CFAP69: variants seen among roughly 807,000 people sequenced by gnomAD.
The protein encoded by CFAP69 is cilia and flagella associated protein 69.
CFAP69 carries 92 observed loss-of-function variants against 123.0 expected under a neutral mutation model. The ratio of observed to expected loss-of-function variants is 0.75; its 90% CI spans 0.63 to 0.89. The LOEUF (loss-of-function observed/expected upper bound fraction) is 0.89, where lower values mean the gene tolerates loss of function less well. CFAP69 is among the 40% of genes least tolerant of loss of function. The probability of loss-of-function intolerance (pLI) is 0.00; values close to 1 mark genes in which losing one functional copy is unlikely to be tolerated. For synonymous variants in CFAP69, 380 were observed against 364.3 expected (o/e 1.04, Z -0.49); for missense variants, 1,067 against 1,096.9 (o/e 0.97, Z 0.39).
At chr7:90,261,865 A>G (rs1798379129) in intron 3 of CFAP69, 82 bp from the exon 4 acceptor site, 2 of 695,046 alleles carry the variant, frequency 2.9e-6, no homozygotes, top group African/African-American at 1.9e-5. Context: ...AATTCTATAG[A>G]CTTTCTTCAC....
chr7:90,258,404 T>C (rs1296467608), intron 3 of CFAP69, among the ~76,000 whole-genome samples: 1 of 152,164 alleles, frequency 6.6e-6, no homozygotes, highest in Non-Finnish European at 1.5e-5. Context: ...AGGAATCATT[T>C]CCTTGCCTTC....
chr7:90,309,684 C>T lies in CFAP69; in HGVS notation c.2655+317C>T, dbSNP rs202009428. On this transcript the variant is annotated intron_variant, in intron 22 of 22. Transcript: ENST00000389297. ...TCTCCAATGTATATCCACTTTTGCC[C>T]GGTTCTGGTTTAGAGTAGGCCCAGC... 1.6e-4 allele frequency among the ~76,000 whole-genome samples: 24 copies of T among 152,188 alleles called. No individual in the cohort carries two copies. The East Asian group carries it at 3.9e-3, about 24-fold the overall frequency.
intron 11 of CFAP69, among the ~76,000 whole-genome samples, chr7:90,279,328 C>T (rs1037198210): frequency 1.3e-5 from 2 of 151,928 alleles, no homozygotes; most frequent in Admixed American, 6.6e-5. Context: ...TTTTATTGTA[C>T]GTTAAAGTAA....
chr7:90,281,402 A>G (rs2117060274), intron 12 of CFAP69, among the ~76,000 whole-genome samples: 1 of 152,294 alleles, frequency 6.6e-6, no homozygotes, highest in African/African-American at 2.4e-5. Context: ...CTATTTATCA[A>G]GACCTACGAT....
rs1472214363 is a variant in CFAP69 at position 90,310,377 on chromosome 7, A to G, written c.*139A>G. The G allele has an allele frequency of 2.3e-6, 1 of 432,352 alleles. No individual in the cohort carries two copies. The highest frequency in any genetic ancestry group is 2.0e-5 in the African/African-American group (1 of 48,964). 26.8% of individuals were successfully genotyped at this position (432,352 alleles called of 1,614,324 possible). On this transcript the variant is annotated 3_prime_UTR_variant, in exon 23 of 23. Transcript: ENST00000389297. ...AGTAAAATACTATAAAAATAAAAGG[A>G]CATATAATTTATTTTTATGGAAAAC...
rs201312556 is a variant in CFAP69 at position 90,297,771 on chromosome 7, C to T, written c.1798C>T (p.Pro600Ser). Residue 600 changes from proline to serine, a missense_variant, in exon 16 of 23, where the codon CCC becomes TCC. Coordinates refer to ENST00000389297, the MANE Select transcript of CFAP69 (RefSeq NM_001039706.3). ...AAGGTGCTGTATTTTGGGATGTTAT[C>T]CCTCAGAGGATTATTTTCTTGAAAA... ...SIWCCILGCY[P>S]SEDYFLEKEG... The T allele has an allele frequency of 1.3e-6, 2 of 1,572,556 alleles. No homozygotes were observed. Among genetic ancestry groups the T allele is most frequent in the Non-Finnish European group, 1.7e-6 (2 of 1,166,910 alleles).
chr7:90,304,500 A>G, intron 18 of CFAP69: 2 of 1,274,134 alleles, frequency 1.6e-6, no homozygotes, highest in Non-Finnish European at 2.0e-6. Context: ...TGACTACAAC[A>G]CAGAAAGAAA....
At chr7:90,299,806 T>G (rs1195941246) in intron 16 of CFAP69, 61 bp from the exon 17 acceptor site, 7 of 1,305,876 alleles carry the variant, frequency 5.4e-6, no homozygotes, top group Admixed American at 2.8e-5. Context: ...CTTTTTTTTT[T>G]GAAGACAATA....
At chr7:90,268,250 G>T in intron 5 of CFAP69, 36 bp from the exon 6 acceptor site, 1 of 1,304,386 alleles carries the variant, frequency 7.7e-7, no homozygotes, top group Non-Finnish European at 1.1e-6. Flanking sequence ...GCTTATGACA[G>T]TGTTGTTAAA....
downstream of CFAP69, among the ~76,000 whole-genome samples, chr7:90,315,292 G>T (rs867642941): frequency 9.9e-5 from 15 of 152,188 alleles, no homozygotes; most frequent in Middle Eastern, 3.4e-3. Context: ...CTACCGTAAA[G>T]ACACACGCAC....
intron 13 of CFAP69, among the ~76,000 whole-genome samples, chr7:90,283,869 A>G (rs1213501920): frequency 1.3e-5 from 2 of 152,136 alleles, no homozygotes; most frequent in Admixed American, 6.6e-5. Context: ...TCACTAGTGG[A>G]GTGGAGTGGT....
downstream of CFAP69, among the ~76,000 whole-genome samples, chr7:90,311,574 A>G (rs1301286553): frequency 6.6e-6 from 1 of 152,096 alleles, no homozygotes; most frequent in Non-Finnish European, 1.5e-5. Context: ...TATCACCTCA[A>G]TGTACCCACA....
At chr7:90,310,012 C>G in intron 22 of CFAP69, 56 bp from the exon 23 acceptor site, 5 of 1,425,826 alleles carry the variant, frequency 3.5e-6, no homozygotes, top group Non-Finnish European at 4.8e-6. Context: ...ATGAGTTTTT[C>G]TCTTGTTGAA....
At chr7:90,313,920 T>C (rs971496015), downstream of CFAP69, among the ~76,000 whole-genome samples, 3 of 152,164 alleles carry the variant, frequency 2.0e-5, no homozygotes, top group African/African-American at 7.2e-5. Context: ...AAACACTACC[T>C]AAGCCAAGGT....
intron 1 of CFAP69, among the ~76,000 whole-genome samples, chr7:90,249,019 A>G: frequency 6.6e-6 from 1 of 152,250 alleles, no homozygotes; most frequent in African/African-American, 2.4e-5. Flanking sequence ...GACTCTAGTC[A>G]TAACAGCTTT....
At chr7:90,311,404 T>C (rs1357909888), downstream of CFAP69, among the ~76,000 whole-genome samples, 1 of 152,132 alleles carries the variant, frequency 6.6e-6, no homozygotes, top group African/African-American at 2.4e-5. Context: ...ATAACTAGCT[T>C]TCCAGGAGGG....
At chr7:90,276,134 A>G (rs1171648002) in intron 9 of CFAP69, 2 of 152,212 alleles carry the variant, frequency 1.3e-5, no homozygotes, top group Non-Finnish European at 2.9e-5. Flanking sequence ...CTTGGCAACA[A>G]TATTCACAAG....
At chr7:90,291,170 A>G (rs1303634632) in intron 15 of CFAP69, among the ~76,000 whole-genome samples, 1 of 152,152 alleles carries the variant, frequency 6.6e-6, no homozygotes, top group African/African-American at 2.4e-5. Context: ...AGGATAAAAG[A>G]ATGGCTACTC....
Position 90,307,056 on chromosome 7 carries a change from A to C in CFAP69, c.2421A>C (p.Gln807His). Residue 807 changes from glutamine to histidine, a missense_variant, in exon 20 of 23, where the codon CAA (glutamine) becomes CAC (histidine). Transcript: ENST00000389297. ...ASLQSDIIES[Q>H]ACQDMQNEQK... ...TGCAAAGTGATATAATTGAAAGCCAAGCATGCCAAGACATGCAAAATGAAC... is the reference window on the plus strand; with the variant it reads ...TGCAAAGTGATATAATTGAAAGCCACGCATGCCAAGACATGCAAAATGAAC... The C allele has an allele frequency of 6.2e-7, 1 of 1,612,910 alleles. No homozygotes were observed. The highest frequency in any genetic ancestry group is 8.5e-7 in the Non-Finnish European group (1 of 1,179,688).
Sources: gnomAD v4.1 joint callset for allele counts (sites outside exome capture counted in the v4.1 genomes callset) on GRCh38, gnomAD v4.1.1 for gene constraint, MANE v1.5 for transcripts, NCBI Gene and HGNC (gene_info 2026-07-23, HGNC 2026-07-21) for gene names.